The following STMND1 variants were observed in gnomAD, a reference collection of about 807,000 sequenced individuals.
STMND1 encodes the protein stathmin domain containing 1, also known as stathmin domain-containing protein 1.
STMND1 carries 17 observed loss-of-function variants against 23.0 expected under a neutral mutation model. That is an observed-to-expected ratio of 0.74 (90% CI 0.51 to 1.11). The LOEUF (loss-of-function observed/expected upper bound fraction) is 1.11, where lower values mean the gene tolerates loss of function less well. Ranked by LOEUF, STMND1 falls within the 50% of genes least tolerant of loss-of-function variation. The pLI is 0.00. For missense variants in STMND1, 305 were observed against 329.1 expected (o/e 0.93, Z 0.57); for synonymous variants, 114 against 119.9 (o/e 0.95, Z 0.32).
At chr6:17,116,380 C>G (rs533412022) in intron 2 of STMND1, among the ~76,000 whole-genome samples, 3 of 152,290 alleles carry the variant, frequency 2.0e-5, no homozygotes, top group South Asian at 2.1e-4. Flanking sequence ...CCAGTTTTCT[C>G]TCTATGTCTC....
intron 3 of STMND1, among the ~76,000 whole-genome samples, chr6:17,124,042 T>A (rs781542229): frequency 6.6e-6 from 1 of 152,154 alleles, no homozygotes; most frequent in Non-Finnish European, 1.5e-5. Flanking sequence ...GAATATCTAA[T>A]GTTTAATAAG....
Position 17,130,896 on chromosome 6 carries a change from A to G in STMND1, c.*15A>G. ...TAGTCTACTAAGCCATTTTTTGTGAATTTCATAAGAAAGCATTCATTCTCC... is the reference window on the plus strand; with the variant it reads ...TAGTCTACTAAGCCATTTTTTGTGAGTTTCATAAGAAAGCATTCATTCTCC... On this transcript the variant is annotated 3_prime_UTR_variant, in exon 5 of 5. Coordinates refer to ENST00000536551, the MANE Select transcript of STMND1 (RefSeq NM_001190766.2). 6.7e-7 allele frequency: 1 copy of G among 1,490,832 alleles called. No individual in the cohort carries two copies. The highest frequency in any genetic ancestry group is 8.9e-7 in the Non-Finnish European group (1 of 1,121,714). 92.4% of individuals were successfully genotyped at this position (1,490,832 alleles called of 1,614,324 possible). A position where few individuals can be genotyped will look rare whatever the true frequency, so the allele number is the denominator to read the frequency against.
At chr6:17,130,322 C>T (rs113112700) in intron 4 of STMND1, among the ~76,000 whole-genome samples, 56 of 152,280 alleles carry the variant, frequency 3.7e-4, no homozygotes, top group South Asian at 1.5e-3. Flanking sequence ...GCCCTCCACG[C>T]GCCCTTGGCC....
intron 3 of STMND1, among the ~76,000 whole-genome samples, chr6:17,124,042 T>C (rs781542229): frequency 2.6e-5 from 4 of 152,154 alleles, no homozygotes; most frequent in African/African-American, 4.8e-5. Context: ...GAATATCTAA[T>C]GTTTAATAAG....
At chr6:17,127,440 C>G (rs1464366132) in intron 3 of STMND1, among the ~76,000 whole-genome samples, 1 of 152,120 alleles carries the variant, frequency 6.6e-6, no homozygotes, top group Non-Finnish European at 1.5e-5. Context: ...ATCCCAGCTA[C>G]TTGGGAGGCT....
At chr6:17,125,137 T>C (rs1761279348) in intron 3 of STMND1, among the ~76,000 whole-genome samples, 1 of 125,574 alleles carries the variant, frequency 8.0e-6, no homozygotes. Flanking sequence ...GGCAACATGG[T>C]AAGATGCCAT....
chr6:17,125,362 T>C (rs994095218), intron 3 of STMND1, among the ~76,000 whole-genome samples: 1 of 152,220 alleles, frequency 6.6e-6, no homozygotes, highest in Admixed American at 6.5e-5. Context: ...AGAGATGTGA[T>C]TGGCTCTCAT....
At chr6:17,107,400 C>T (rs1761038019) in intron 1 of STMND1, among the ~76,000 whole-genome samples, 1 of 146,436 alleles carries the variant, frequency 6.8e-6, no homozygotes, top group African/African-American at 2.5e-5. Context: ...TTAAATTCTA[C>T]CTAAAATTGA....
intron 2 of STMND1, among the ~76,000 whole-genome samples, chr6:17,119,732 G>A (rs1761205703): frequency 1.3e-5 from 2 of 151,968 alleles, no homozygotes; most frequent in Admixed American, 1.3e-4. Flanking sequence ...ATTTTTATGG[G>A]AAGATGCCAT....
Position 17,130,835 on chromosome 6 carries a change from T to A in STMND1, c.785T>A (p.Val262Glu). The change falls in exon 5 of 5, where the codon GTG becomes GAG. Residue 262 changes from valine to glutamate, a missense_variant. Transcript: ENST00000536551. Reference protein sequence around the residue: ...RNESDESFGVVESDMSYNQAD... With the variant: ...RNESDESFGVEESDMSYNQAD... The stretch of plus-strand genomic sequence containing the variant: ...GAAAGTGATGAAAGTTTTGGGGTCG[T>A]GGAGTCAGACATGTCCTACAACCAA... 2 of 1,535,704 alleles carry A rather than the reference T, an allele frequency of 1.3e-6. No homozygotes were observed. Among genetic ancestry groups the A allele is most frequent in the Middle Eastern group, 1.7e-4 (1 of 5,988 alleles).
intron 2 of STMND1, among the ~76,000 whole-genome samples, chr6:17,118,590 C>G (rs998351120): frequency 1.3e-5 from 2 of 152,166 alleles, no homozygotes; most frequent in Non-Finnish European, 2.9e-5. Flanking sequence ...AAGCCAAACA[C>G]TTTAGAGAAC....
intron 1 of STMND1, among the ~76,000 whole-genome samples, chr6:17,111,789 G>A (rs1264021780): frequency 1.3e-5 from 2 of 152,156 alleles, no homozygotes; most frequent in Non-Finnish European, 2.9e-5. Flanking sequence ...TTAAAATACA[G>A]AAATTTCTTT....
At chr6:17,109,250 C>T (rs1478920163) in intron 1 of STMND1, among the ~76,000 whole-genome samples, 1 of 152,152 alleles carries the variant, frequency 6.6e-6, no homozygotes, top group Non-Finnish European at 1.5e-5. Context: ...CATTATTTCT[C>T]ATGTAGCCCT....
At chr6:17,112,393 T>G (rs1283704647) in intron 1 of STMND1, among the ~76,000 whole-genome samples, 1 of 152,204 alleles carries the variant, frequency 6.6e-6, no homozygotes, top group Non-Finnish European at 1.5e-5. Context: ...ATTTCCACTT[T>G]TGGGGTATTA....
rs932478914 is a variant in STMND1 at position 17,120,804 on chromosome 6, A to G, written c.411+46A>G. On this transcript the variant is annotated intron_variant, in intron 3 of 4. Transcript: ENST00000536551. ...CATTAGCTTATAGTTAAAATTAGCA[A>G]TAGAATATGATTGATCATGAGTCAT... 2.9e-6 allele frequency: 4 copies of G among 1,382,572 alleles called. No individual in the cohort carries two copies. In the East Asian group the frequency reaches 7.5e-5, roughly 26 times the overall value. The allele number at this position is 1,382,572 out of a possible 1,614,324, so 85.6% of individuals were successfully genotyped here.
intron 1 of STMND1, among the ~76,000 whole-genome samples, chr6:17,107,582 C>T (rs1031535603): frequency 2.0e-5 from 3 of 151,994 alleles, no homozygotes; most frequent in Non-Finnish European, 1.5e-5. Flanking sequence ...CTTCTTCTTC[C>T]TTCTTTCTTC....
intron 2 of STMND1, among the ~76,000 whole-genome samples, chr6:17,118,464 A>G (rs542488394): frequency 7.2e-4 from 110 of 152,330 alleles, no homozygotes; most frequent in African/African-American, 2.5e-3. Context: ...AAAGAAGCAC[A>G]ACATGGTTTT....
chr6:17,110,765 C>A (rs1447814740), intron 1 of STMND1: 2 of 455,218 alleles, frequency 4.4e-6, no homozygotes, highest in Middle Eastern at 3.2e-4. Flanking sequence ...AAGACTCTGT[C>A]TCAAAAAAAT....
intron 1 of STMND1, among the ~76,000 whole-genome samples, chr6:17,109,428 C>T (rs1401399916): frequency 6.6e-6 from 1 of 152,210 alleles, no homozygotes; most frequent in Non-Finnish European, 1.5e-5. Flanking sequence ...CCACCATAAC[C>T]TAGCCATTGT....
Sources: gnomAD v4.1 joint callset for allele counts (sites outside exome capture counted in the v4.1 genomes callset) on GRCh38, gnomAD v4.1.1 for gene constraint, MANE v1.5 for transcripts, NCBI Gene and HGNC (gene_info 2026-07-23, HGNC 2026-07-21) for gene names.